Variants in CCSER1 observed in about 807,000 individuals in gnomAD.
The protein encoded by CCSER1 is serine-rich coiled-coil domain-containing protein 1.
A neutral mutation model predicts 82.0 loss-of-function variants in CCSER1; 41 were observed. The observed-to-expected ratio is 0.50, with a 90% CI of 0.39 to 0.65. CCSER1 has a LOEUF of 0.65. CCSER1 is among the 30% of genes least tolerant of loss of function. The probability of loss-of-function intolerance (pLI) is 0.00; values close to 1 mark genes in which losing one functional copy is unlikely to be tolerated. For missense variants in CCSER1, 1,119 were observed against 1,064.2 expected, an observed-to-expected ratio of 1.05 and a Z score of -0.72; for synonymous variants, 414 against 383.9, an observed-to-expected ratio of 1.08 and a Z score of -0.92.
chr4:91,218,645 A>G (rs996529976), intron 10 of CCSER1, among the ~76,000 whole-genome samples: 4 of 152,220 alleles, frequency 2.6e-5, no homozygotes, highest in African/African-American at 4.8e-5. Context: ...GTTGGGCACA[A>G]CTGTTGTTCT....
chr4:90,149,885 G>A (rs1391942801), intron 1 of CCSER1, among the ~76,000 whole-genome samples: 1 of 152,082 alleles, frequency 6.6e-6, no homozygotes, highest in Non-Finnish European at 1.5e-5. Context: ...ATCATTTAAT[G>A]TTTTTTGGAG....
At chr4:91,490,276 G>A (rs1372341791) in intron 10 of CCSER1, among the ~76,000 whole-genome samples, 1 of 152,118 alleles carries the variant, frequency 6.6e-6, no homozygotes, top group Non-Finnish European at 1.5e-5. Context: ...GTATATGGAA[G>A]AGATATCTGC....
At chr4:91,476,247 A>G (rs914403696) in intron 10 of CCSER1, among the ~76,000 whole-genome samples, 1 of 151,810 alleles carries the variant, frequency 6.6e-6, no homozygotes, top group African/African-American at 2.4e-5. Flanking sequence ...GCTAATTTAC[A>G]TTCCCACCAA....
At chr4:91,359,790 A>G (rs1749124540) in intron 10 of CCSER1, among the ~76,000 whole-genome samples, 1 of 151,856 alleles carries the variant, frequency 6.6e-6, no homozygotes, top group Non-Finnish European at 1.5e-5. Flanking sequence ...CACGTCCAGC[A>G]GTAATCGTTA....
chr4:90,260,750 T>G (rs950355462), intron 1 of CCSER1, among the ~76,000 whole-genome samples: 3 of 152,214 alleles, frequency 2.0e-5, no homozygotes, highest in Non-Finnish European at 2.9e-5. Flanking sequence ...AGTTTCACTC[T>G]TGTTGCCCAG....
chr4:91,513,443 C>A (rs567111855), intron 10 of CCSER1, among the ~76,000 whole-genome samples: 12 of 152,146 alleles, frequency 7.9e-5, no homozygotes, highest in East Asian at 7.7e-4. Context: ...TGAGTCTTTG[C>A]CAGGTTTTGA....
chr4:91,281,095 C>T (rs1376198014), intron 10 of CCSER1, among the ~76,000 whole-genome samples: 1 of 152,152 alleles, frequency 6.6e-6, no homozygotes, highest in Non-Finnish European at 1.5e-5. Flanking sequence ...GAAATGTAGA[C>T]CACTGGTAGT....
At chr4:90,441,114 T>G (rs1263798799) in intron 4 of CCSER1, among the ~76,000 whole-genome samples, 1 of 152,228 alleles carries the variant, frequency 6.6e-6, no homozygotes, top group Non-Finnish European at 1.5e-5. Context: ...ATTTTTCAAC[T>G]TAGCCAAGCA....
chr4:91,177,862 G>A (rs1234165107), intron 10 of CCSER1, among the ~76,000 whole-genome samples: 1 of 152,014 alleles, frequency 6.6e-6, no homozygotes, highest in East Asian at 1.9e-4. Flanking sequence ...AGCTTTTGAA[G>A]GTGTTTGCTC....
At chr4:91,456,968 C>A (rs1389554893) in intron 10 of CCSER1, among the ~76,000 whole-genome samples, 1 of 151,726 alleles carries the variant, frequency 6.6e-6, no homozygotes, top group East Asian at 1.9e-4. Flanking sequence ...TATCATAATC[C>A]CTGTGCTAAA....
Position 91,500,974 on chromosome 4 carries a change from C to G in CCSER1, c.2218-97598C>G, listed in dbSNP as rs111541673. Among the ~76,000 whole-genome samples, 65 of 151,686 alleles carry G rather than the reference C, an allele frequency of 4.3e-4. 1 individual carries two copies. Among genetic ancestry groups the G allele is most frequent in the African/African-American group, 1.5e-3 (61 of 41,456 alleles). ...TTGTGAAATTCATTACATTTCTATA[C>G]CTTTTATGTTTTTTCTACTGGACTA... On this transcript the variant is annotated intron_variant, in intron 10 of 10. Coordinates refer to ENST00000509176, the MANE Select transcript of CCSER1 (RefSeq NM_001145065.2).
chr4:90,622,915 C>T (rs1722598001), intron 5 of CCSER1, among the ~76,000 whole-genome samples: 1 of 152,116 alleles, frequency 6.6e-6, no homozygotes, highest in Non-Finnish European at 1.5e-5. Flanking sequence ...TCTCCACATC[C>T]TCTCCAGCAC....
intron 10 of CCSER1, among the ~76,000 whole-genome samples, chr4:91,582,822 C>A (rs894197851): frequency 6.6e-6 from 1 of 151,404 alleles, no homozygotes; most frequent in Non-Finnish European, 1.5e-5. Flanking sequence ...GAACATATGA[C>A]ATGCATGTTA....
intron 5 of CCSER1, among the ~76,000 whole-genome samples, chr4:90,468,961 A>G (rs749116387): frequency 2.0e-5 from 3 of 152,116 alleles, no homozygotes; most frequent in Admixed American, 6.5e-5. Context: ...GTAGATGTCA[A>G]ATATTAAATA....
At chr4:91,474,808 TATATACACACAC>T (rs1221618390) in intron 10 of CCSER1, among the ~76,000 whole-genome samples, 1 of 64,270 alleles carries the variant, frequency 1.6e-5, no homozygotes, top group African/African-American at 6.1e-5. Context: ...TATATATATA[TATATACACACAC>T]ACACACACAC....
chr4:90,843,177 T>C (rs1762782861), intron 8 of CCSER1, among the ~76,000 whole-genome samples: 1 of 151,888 alleles, frequency 6.6e-6, no homozygotes, highest in Non-Finnish European at 1.5e-5. Flanking sequence ...TCATCTGCAG[T>C]GCAAAGGTAA....
At chr4:91,106,988 G>C (rs1725680121) in intron 10 of CCSER1, among the ~76,000 whole-genome samples, 1 of 152,050 alleles carries the variant, frequency 6.6e-6, no homozygotes, top group Non-Finnish European at 1.5e-5. Flanking sequence ...GACTGTAATG[G>C]GGCTACCCTA....
intron 3 of CCSER1, among the ~76,000 whole-genome samples, chr4:90,323,645 G>A (rs939364827): frequency 1.3e-5 from 2 of 151,986 alleles, no homozygotes; most frequent in Non-Finnish European, 2.9e-5. Context: ...CAATGCAACA[G>A]TGTCTTTCCT....
intron 10 of CCSER1, among the ~76,000 whole-genome samples, chr4:91,423,904 T>C (rs1753819057): frequency 1.3e-5 from 2 of 151,390 alleles, no homozygotes; most frequent in Admixed American, 1.3e-4. Context: ...AGTTATGATC[T>C]GGTCACCAGA....
Sources: gnomAD v4.1 joint callset for allele counts (sites outside exome capture counted in the v4.1 genomes callset) on GRCh38, gnomAD v4.1.1 for gene constraint, MANE v1.5 for transcripts, NCBI Gene and HGNC (gene_info 2026-07-23, HGNC 2026-07-21) for gene names.